Variants in ALAS1 observed in about 807,000 individuals in gnomAD.
ALAS1 encodes the protein 5'-aminolevulinate synthase 1, also known as 5-aminolevulinate synthase, non-specific, mitochondrial.
Under a neutral mutation model 59.6 loss-of-function variants are expected in ALAS1, and 29 were observed. That is an observed-to-expected ratio of 0.49 (90% CI 0.36 to 0.66). The LOEUF (loss-of-function observed/expected upper bound fraction) is 0.66, where lower values mean the gene tolerates loss of function less well. ALAS1 is among the 30% of genes least tolerant of loss of function. The probability of loss-of-function intolerance (pLI) is 0.00; values close to 1 mark genes in which losing one functional copy is unlikely to be tolerated. For synonymous variants in ALAS1, 299 were observed against 296.6 expected, an observed-to-expected ratio of 1.01 and a Z score of -0.08; for missense variants, 690 against 807.5, an observed-to-expected ratio of 0.85 and a Z score of 1.76.
chr3:52,207,082 C>T (rs1699308801), intron 8 of ALAS1, among the ~76,000 whole-genome samples: 1 of 151,330 alleles, frequency 6.6e-6, no homozygotes, highest in Non-Finnish European at 1.5e-5. Context: ...CGGCTCACTG[C>T]AAGCTCCACT....
At chr3:52,199,066 A>G in intron 2 of ALAS1, 144 bp from the exon 3 acceptor site, 1 of 972,202 alleles carries the variant, frequency 1.0e-6, no homozygotes, top group Non-Finnish European at 1.5e-6. Context: ...AGCTCACATC[A>G]GTGCTGTCCT....
In ALAS1 at chr3:52,212,289, G is replaced by C. The variant is rs1270471776; in HGVS notation, c.1631G>C (p.Cys544Ser). 3.1e-6 allele frequency: 5 copies of C among 1,614,070 alleles called. No individual in the cohort carries two copies. Among genetic ancestry groups the C allele is most frequent in the Admixed American group, 1.7e-5 (1 of 60,020 alleles). ...GATGCTGCTAAAAACACAGAAGTCTGTGATGAACTAATGAGCAGACATAAC... is the reference window on the plus strand; with the variant it reads ...GATGCTGCTAAAAACACAGAAGTCTCTGATGAACTAATGAGCAGACATAAC... ...VADAAKNTEVCDELMSRHNIY... is the reference protein window; with the variant it reads ...VADAAKNTEVSDELMSRHNIY... The change falls in exon 11 of 12, where the codon TGT (cysteine) becomes TCT (serine). Residue 544 changes from cysteine to serine, a missense_variant. Coordinates refer to ENST00000484952, the MANE Select transcript of ALAS1 (RefSeq NM_000688.6).
rs753933485 is a variant in ALAS1 at position 52,199,410 on chromosome 3, C to G, written c.169C>G (p.Gln57Glu). Residue 57 changes from glutamine to glutamate, a missense_variant, in exon 3 of 12, where the codon CAG becomes GAG. Physicochemically the swap from Gln to Glu is conservative, Grantham distance 29. Coordinates refer to ENST00000484952, the MANE Select transcript of ALAS1 (RefSeq NM_000688.6). Reference protein sequence around the residue: ...ALSTAAVHYQQIKETPPASEK... With the variant: ...ALSTAAVHYQEIKETPPASEK... ...GTCCACTGCAGCAGTACACTACCAA[C>G]AGATCAAAGAAACCCCTCCGGCCAG... 3.1e-6 allele frequency: 5 copies of G among 1,614,058 alleles called. 1 individual carries two copies. Among genetic ancestry groups the G allele is most frequent in the Middle Eastern group, 3.3e-4 (2 of 6,072 alleles).
Position 52,199,276 on chromosome 3 carries a change from C to T in ALAS1, c.35C>T (p.Ser12Phe). The T allele has an allele frequency of 6.2e-7, 1 of 1,614,208 alleles. No homozygotes were observed. Among genetic ancestry groups the T allele is most frequent in the East Asian group, 2.2e-5 (1 of 44,886 alleles). Reference sequence around the variant, plus strand: ...GTTGTTCGCCGCTGCCCATTCTTATCCCGAGTCCCCCAGGCCTTTCTGCAG... The same window carrying T: ...GTTGTTCGCCGCTGCCCATTCTTATTCCGAGTCCCCCAGGCCTTTCTGCAG... ...ESVVRRCPFL[S>F]RVPQAFLQKA... The change falls in exon 3 of 12, where the codon TCC becomes TTC. Residue 12 changes from serine (S) to phenylalanine (F), a missense_variant. Coordinates refer to ENST00000484952, the MANE Select transcript of ALAS1 (RefSeq NM_000688.6).
intron 1 of ALAS1, 132 bp downstream of exon 1, chr3:52,198,387 C>T (rs969206962): frequency 1.6e-5 from 7 of 428,864 alleles, no homozygotes; most frequent in African/African-American, 1.4e-4. Context: ...TTGAGGTCAG[C>T]GTTTATCCTC....
intron 5 of ALAS1, 65 bp from the exon 6 acceptor site, chr3:52,204,628 A>G (rs1699255748): frequency 3.6e-6 from 5 of 1,399,090 alleles, no homozygotes; most frequent in Non-Finnish European, 5.0e-6. Context: ...GACTTGTTGT[A>G]TTTCACCAAA....
chr3:52,206,193 A>T (rs2107272322), intron 7 of ALAS1, among the ~76,000 whole-genome samples, 170 bp downstream of exon 7: 1 of 152,352 alleles, frequency 6.6e-6, no homozygotes, highest in East Asian at 1.9e-4. Context: ...TATGGGTTCC[A>T]GGAGAACGTG....
Position 52,203,923 on chromosome 3 carries a change from C to T in ALAS1, c.488C>T (p.Pro163Leu). 6.2e-7 allele frequency: 1 copy of T among 1,613,318 alleles called. No homozygotes were observed. Among genetic ancestry groups the T allele is most frequent in the Non-Finnish European group, 8.5e-7 (1 of 1,179,564 alleles). Residue 163 changes from proline to leucine, a missense_variant, in exon 5 of 12, where the codon CCC becomes CTC. Physicochemically the swap from Pro to Leu is moderately conservative, Grantham distance 98 (BLOSUM62 -3). Coordinates refer to ENST00000484952, the MANE Select transcript of ALAS1 (RefSeq NM_000688.6). ...AGTGTGAAAACCGATGGAGGGGATC[C>T]CAGTGGACTGCTGAAGAACTTCCAG... ...VVSVKTDGGDPSGLLKNFQDI... is the reference protein window; with the variant it reads ...VVSVKTDGGDLSGLLKNFQDI...
chr3:52,202,774 G>A (rs1577963275), intron 4 of ALAS1, 40 bp downstream of exon 4: 2 of 1,581,228 alleles, frequency 1.3e-6, no homozygotes, highest in Non-Finnish European at 1.7e-6. Context: ...TAGTGAAGGG[G>A]TCCTTTTAGT....
chr3:52,203,539 T>C (rs1699232494), intron 4 of ALAS1, among the ~76,000 whole-genome samples: 1 of 147,932 alleles, frequency 6.8e-6, no homozygotes, highest in Admixed American at 6.7e-5. Flanking sequence ...GGACTCTGTC[T>C]CAAAAAAAAA....
At position 52,202,656 on chromosome 3, in the gene ALAS1, C is replaced by G. The variant is rs1456673336; in HGVS notation, c.349C>G (p.Gln117Glu). 1.2e-6 allele frequency: 2 copies of G among 1,614,206 alleles called. No individual in the cohort carries two copies. The change falls in exon 4 of 12, where the codon CAG (glutamine) becomes GAG (glutamate). Residue 117 changes from glutamine (Q) to glutamate (E), a missense_variant. By Grantham distance (29) the Gln-to-Glu change is conservative (BLOSUM62 2). Transcript: ENST00000484952. ...KCPFLAAQMN[Q>E]RGSSVFCKAS... ...CCCTTTCCTGGCAGCACAGATGAAT[C>G]AGAGAGGCAGCAGTGTCTTCTGCAA...
At chr3:52,202,389 G>A in intron 3 of ALAS1, 118 bp from the exon 4 acceptor site, 1 of 802,260 alleles carries the variant, frequency 1.2e-6, no homozygotes, top group Non-Finnish European at 2.1e-6. Flanking sequence ...GTGTCTGGAT[G>A]GTGGGGTACA....
chr3:52,204,559 A>T, intron 5 of ALAS1, 134 bp from the exon 6 acceptor site: 1 of 697,558 alleles, frequency 1.4e-6, no homozygotes, highest in Non-Finnish European at 2.4e-6. Flanking sequence ...AGTCTTATTT[A>T]CTTACAAGAT....
chr3:52,199,229 A>G lies in ALAS1; in HGVS notation c.-13A>G, dbSNP rs776120817. 2 of 1,614,200 alleles carry G rather than the reference A, an allele frequency of 1.2e-6. No homozygotes were observed. Among genetic ancestry groups the G allele is most frequent in the South Asian group, 1.1e-5 (1 of 91,082 alleles). ...CATCAGTCTTTCCACAGGAGCCAGCATACTTCCTGAACATGGAGAGTGTTG... is the reference window on the plus strand; with the variant it reads ...CATCAGTCTTTCCACAGGAGCCAGCGTACTTCCTGAACATGGAGAGTGTTG... On this transcript the variant is annotated 5_prime_UTR_variant, in exon 3 of 12. Transcript: ENST00000484952.
At chr3:52,206,052 A>C (rs1180065880) in intron 7 of ALAS1, 29 bp downstream of exon 7, 2 of 1,556,864 alleles carry the variant, frequency 1.3e-6, no homozygotes, top group Non-Finnish European at 1.7e-6. Context: ...AGTGCCTTCG[A>C]GTTTTTTGGG....
Position 52,205,732 on chromosome 3 carries a change from CT to C in ALAS1, c.801-106del, listed in dbSNP as rs764432143. On this transcript the variant is annotated intron_variant, in intron 6 of 11. Transcript: ENST00000484952. Reference sequence around the variant, plus strand: ...CCCAGGTTTCACAGTGAGAGAGTTGCTACATCAACATGTTTCAGTCTCCTGG... The same window carrying C: ...CCCAGGTTTCACAGTGAGAGAGTTGCACATCAACATGTTTCAGTCTCCTGG... 14 of 1,079,200 alleles carry C rather than the reference CT, an allele frequency of 1.3e-5. No individual in the cohort carries two copies. In the East Asian group the frequency reaches 2.6e-4, roughly 20 times the overall value. 66.9% of individuals were successfully genotyped at this position (1,079,200 alleles called of 1,614,324 possible).
chr3:52,204,661 C>G (rs352166), intron 5 of ALAS1, 32 bp from the exon 6 acceptor site: 12 of 1,578,802 alleles, frequency 7.6e-6, no homozygotes, highest in Non-Finnish European at 9.5e-6. Context: ...TTCACAACCA[C>G]CATTCTGTAC....
chr3:52,212,089 C>G (rs972289478), intron 10 of ALAS1, among the ~76,000 whole-genome samples, 169 bp from the exon 11 acceptor site: 2 of 152,164 alleles, frequency 1.3e-5, no homozygotes, highest in East Asian at 3.8e-4. Flanking sequence ...ACACTGGCTT[C>G]TTTTAAATGA....
chr3:52,202,071 T>G (rs1699197354), intron 3 of ALAS1, among the ~76,000 whole-genome samples: 1 of 152,132 alleles, frequency 6.6e-6, no homozygotes. Context: ...AGCTTGTGGC[T>G]GAGTGCAGTG....
Sources: allele counts gnomAD v4.1 joint callset (sites outside exome capture counted in the v4.1 genomes callset), GRCh38; gene constraint gnomAD v4.1.1; transcripts MANE v1.5; gene names NCBI Gene and HGNC (gene_info 2026-07-23, HGNC 2026-07-21).